SNX9: variants seen among roughly 807,000 people sequenced by gnomAD.
SNX9 encodes sorting nexin 9.
SNX9 carries 44 observed loss-of-function variants against 89.4 expected under a neutral mutation model. That is an observed-to-expected ratio of 0.49 (90% CI 0.39 to 0.63). The LOEUF (loss-of-function observed/expected upper bound fraction) is 0.63, where lower values mean the gene tolerates loss of function less well. Among genes scored for constraint, SNX9 ranks in the 30% least tolerant of loss-of-function variants. The pLI, the probability that SNX9 is intolerant of heterozygous loss-of-function variation, is 0.00. For missense variants in SNX9, 578 were observed against 736.1 expected (o/e 0.79, Z 2.49); for synonymous variants, 236 against 247.8 (o/e 0.95, Z 0.45).
intron 1 of SNX9, among the ~76,000 whole-genome samples, chr6:157,841,642 T>C (rs919843004): frequency 2.0e-5 from 3 of 152,148 alleles, no homozygotes; most frequent in Non-Finnish European, 1.5e-5. Context: ...GGAAGTTGTC[T>C]AAGGCAGGTA....
intron 1 of SNX9, among the ~76,000 whole-genome samples, chr6:157,826,833 T>TATAAAA (rs1781360151): frequency 1.8e-5 from 2 of 111,540 alleles, no homozygotes; most frequent in African/African-American, 4.8e-5. Flanking sequence ...TTATATTTTA[T>TATAAAA]ATATATATTA....
intron 6 of SNX9, among the ~76,000 whole-genome samples, chr6:157,905,046 A>G (rs1304019619): frequency 6.6e-6 from 1 of 152,244 alleles, no homozygotes; most frequent in Non-Finnish European, 1.5e-5. Context: ...CTTAGAAGGT[A>G]GGTCATTCTG....
At chr6:157,882,044 G>A (rs1192716569) in intron 4 of SNX9, among the ~76,000 whole-genome samples, 1 of 152,128 alleles carries the variant, frequency 6.6e-6, no homozygotes. Context: ...AGCTGGAGAG[G>A]GGAAGCCAGT....
At chr6:157,910,047 C>T (rs1227221620) in intron 9 of SNX9, 22 bp downstream of exon 9, 2 of 1,556,640 alleles carry the variant, frequency 1.3e-6, no homozygotes, top group Non-Finnish European at 1.8e-6. Context: ...TAATGCTAAA[C>T]CCAGGATGAC....
At chr6:157,847,709 G>A (rs188251027) in intron 1 of SNX9, among the ~76,000 whole-genome samples, 2 of 152,072 alleles carry the variant, frequency 1.3e-5, no homozygotes, top group African/African-American at 4.8e-5. Flanking sequence ...GTTACACGTC[G>A]TCTATTCTGG....
intron 1 of SNX9, among the ~76,000 whole-genome samples, chr6:157,859,921 A>G (rs1395723908): frequency 6.6e-6 from 1 of 152,198 alleles, no homozygotes; most frequent in Non-Finnish European, 1.5e-5. Flanking sequence ...GTTCCGGGTC[A>G]TGTTATAGGA....
chr6:157,864,450 T>G (rs1782211018), intron 1 of SNX9, among the ~76,000 whole-genome samples: 1 of 152,192 alleles, frequency 6.6e-6, no homozygotes, highest in Non-Finnish European at 1.5e-5. Context: ...ATTTCTTTCT[T>G]TCTCACTTGT....
chr6:157,834,168 T>TG (rs1562588795), intron 1 of SNX9, among the ~76,000 whole-genome samples: 1 of 115,040 alleles, frequency 8.7e-6, no homozygotes, highest in African/African-American at 3.7e-5. Flanking sequence ...TTTTTTTTTT[T>TG]TTTTTTTTTT....
chr6:157,879,661 C>T (rs1397875320), intron 4 of SNX9, among the ~76,000 whole-genome samples: 1 of 152,172 alleles, frequency 6.6e-6, no homozygotes, highest in Non-Finnish European at 1.5e-5. Flanking sequence ...GTGGCTGAAC[C>T]ACTAGAATGA....
At chr6:157,865,934 G>A (rs1782252356) in intron 1 of SNX9, among the ~76,000 whole-genome samples, 1 of 152,164 alleles carries the variant, frequency 6.6e-6, no homozygotes, top group Non-Finnish European at 1.5e-5. Context: ...CGCTAAACTT[G>A]AATTTGCCTT....
chr6:157,908,919 CAGGCA>C (rs1011104430), intron 7 of SNX9, among the ~76,000 whole-genome samples: 7 of 152,322 alleles, frequency 4.6e-5, no homozygotes, highest in African/African-American at 1.4e-4. Context: ...CTACCCTCTT[CAGGCA>C]AGCCTTGCCC....
Position 157,854,651 on chromosome 6 carries a change from TTTG to T in SNX9, c.13-12888_13-12886del, listed in dbSNP as rs202067093. 4.8e-3 allele frequency among the ~76,000 whole-genome samples: 734 copies of T among 152,304 alleles called. 7 individuals are homozygous for T. Among genetic ancestry groups the T allele is most frequent in the African/African-American group, 0.017 (704 of 41,560 alleles). ...TCCTTTTTAACTTCATTGTGTTGCTTTTGTTGTTGTATTAATAAAAGTGTAGGT... is the reference window on the plus strand; with the variant it reads ...TCCTTTTTAACTTCATTGTGTTGCTTTTGTTGTATTAATAAAAGTGTAGGT... On this transcript the variant is annotated intron_variant, in intron 1 of 17. Transcript: ENST00000392185.
rs374941427 is a variant in SNX9, at chr6:157,937,086, T to C, written c.1444-348T>C. The stretch of plus-strand genomic sequence containing the variant: ...TTAGTTTTAATATTTTTATATTCTC[T>C]GCTCATATTTAGAAGTTAAACTACA... On this transcript the variant is annotated intron_variant, in intron 14 of 17. Transcript: ENST00000392185. 4.6e-5 allele frequency among the ~76,000 whole-genome samples: 7 copies of C among 152,368 alleles called. No homozygotes were observed. In the South Asian group the frequency reaches 1.2e-3, roughly 27 times the overall value.
At chr6:157,885,103 C>T (rs1782707920) in intron 4 of SNX9, 1 of 152,090 alleles carries the variant, frequency 6.6e-6, no homozygotes, top group Non-Finnish European at 1.5e-5. Context: ...TATCCATTTA[C>T]CTTAAGTAAA....
At chr6:157,878,431 A>G (rs3838667) in intron 4 of SNX9, among the ~76,000 whole-genome samples, 1 of 131,302 alleles carries the variant, frequency 7.6e-6, no homozygotes, top group African/African-American at 2.8e-5. Flanking sequence ...GAAGCCCACC[A>G]TTTTTTTTTT....
At chr6:157,915,640 A>AAAATAT (rs1472422303) in intron 9 of SNX9, among the ~76,000 whole-genome samples, 2 of 95,170 alleles carry the variant, frequency 2.1e-5, no homozygotes, top group Admixed American at 9.9e-5. Context: ...AAAAAAAAAA[A>AAAATAT]ATATATATAT....
intron 11 of SNX9, 82 bp from the exon 12 acceptor site, chr6:157,928,517 C>G: frequency 9.6e-7 from 1 of 1,037,692 alleles, no homozygotes; most frequent in Non-Finnish European, 1.5e-6. Context: ...AAACAAGTGT[C>G]TGTGGTTATA....
chr6:157,926,190 G>A (rs1783688017), intron 10 of SNX9, among the ~76,000 whole-genome samples: 2 of 152,188 alleles, frequency 1.3e-5, no homozygotes, highest in Non-Finnish European at 2.9e-5. Context: ...CCATAAGAGA[G>A]AGATTACCGG....
chr6:157,888,228 C>G (rs574216851), intron 4 of SNX9, among the ~76,000 whole-genome samples: 1 of 152,168 alleles, frequency 6.6e-6, no homozygotes, highest in Admixed American at 6.5e-5. Flanking sequence ...AGAATATTAA[C>G]ATTTTTTTTA....
Sources: allele counts gnomAD v4.1 joint callset (sites outside exome capture counted in the v4.1 genomes callset), GRCh38; gene constraint gnomAD v4.1.1; transcripts MANE v1.5; gene names NCBI Gene and HGNC (gene_info 2026-07-23, HGNC 2026-07-21).